The following TTN variants were observed in gnomAD, a reference collection of about 807,000 sequenced individuals.
TTN encodes connectin.
Under a neutral mutation model 3,223.0 loss-of-function variants are expected in TTN, and 1,525 were observed. That is an observed-to-expected ratio of 0.47 (90% CI 0.45 to 0.49). The LOEUF (loss-of-function observed/expected upper bound fraction) is 0.49. TTN is among the 20% of genes least tolerant of loss of function. The pLI, the probability that TTN is intolerant of heterozygous loss-of-function variation, is 0.00. For missense variants in TTN, 40,786 were observed against 43,424.0 expected (o/e 0.94, Z 5.40); for synonymous variants, 14,094 against 15,161.0 (o/e 0.93, Z 5.17).
At position 178,574,770 on chromosome 2, in the gene TTN, C is replaced by T. The variant is rs1709470635; in HGVS notation, c.71362G>A (p.Ala23788Thr). 7 of 1,612,090 alleles carry T rather than the reference C, an allele frequency of 4.3e-6. 1 individual carries two copies. The highest frequency in any genetic ancestry group is 2.7e-5 in the African/African-American group (2 of 75,002). ...TCTAATCCAGTAGTAAGGCGGGTGG[C>T]TTTATAGGTAGTACGTATAACGGTG... The part of the protein sequence containing the change: ...ATTVIRTTYK[A>T]TRLTTGLEYQ... The change falls in exon 326 of 363, where the codon GCC becomes ACC. Residue 23788 changes from alanine (A) to threonine (T), a missense_variant. Coordinates refer to ENST00000589042, the MANE Select transcript of TTN (RefSeq NM_001267550.2).
intron 81 of TTN, 75 bp from the exon 82 acceptor site, chr2:178,719,907 A>T: frequency 2.6e-6 from 4 of 1,544,290 alleles, no homozygotes; most frequent in Non-Finnish European, 3.5e-6. Context: ...GAATTACTGG[A>T]TAAGAGGAAT....
Position 178,641,312 on chromosome 2 carries a change from A to G in TTN, c.40562T>C (p.Leu13521Pro). 4 of 1,469,616 alleles carry G rather than the reference A, an allele frequency of 2.7e-6. No homozygotes were observed. The highest frequency in any genetic ancestry group is 3.6e-6 in the Non-Finnish European group (4 of 1,098,180). The allele number at this position is 1,469,616 out of a possible 1,614,324, so 91.0% of individuals were successfully genotyped here. Residue 13521 changes from leucine to proline, a missense_variant, in exon 220 of 363, where the codon CTA becomes CCA. Transcript: ENST00000589042. ...TTCTTCTTCTTCAGGTCTTTTTCTTAGAACTTTAAAGACAAAAAGGTTTAT... is the reference window on the plus strand; with the variant it reads ...TTCTTCTTCTTCAGGTCTTTTTCTTGGAACTTTAAAGACAAAAAGGTTTAT... ...PKEEVVLKSV[L>P]RKRPEEEEPK... is the part of the protein sequence containing the mutation.
At chr2:178,672,373 A>C (rs781263104) in intron 154 of TTN, 34 bp downstream of exon 154, 8 of 1,600,786 alleles carry the variant, frequency 5.0e-6, no homozygotes, top group Non-Finnish European at 5.1e-6. Context: ...TGCATGCAAC[A>C]ATACACGAAA....
rs760647730 is a variant in TTN at position 178,582,100 on chromosome 2, T to G, written c.66269A>C (p.Tyr22090Ser). Residue 22090 changes from tyrosine to serine, a missense_variant, in exon 315 of 363, where the codon TAT becomes TCT. Physicochemically the swap from Tyr to Ser is moderately radical, Grantham distance 144 (BLOSUM62 -2). Coordinates refer to ENST00000589042, the MANE Select transcript of TTN (RefSeq NM_001267550.2). ...ADDGGSPITGYLLEKRETQAV... is the reference protein window; with the variant it reads ...ADDGGSPITGSLLEKRETQAV... ...CTGGGTTTCCCGCTTTTCAAGCAAA[T>G]AGCCAGTGATGGGTGAGCCCCCATC... 4 of 1,612,934 alleles carry G rather than the reference T, an allele frequency of 2.5e-6. No homozygotes were observed. Among genetic ancestry groups the G allele is most frequent in the Non-Finnish European group, 3.4e-6 (4 of 1,179,512 alleles).
chr2:178,594,088 T>C lies in TTN; in HGVS notation c.58305A>G (p.Ile19435Met). 1 of 1,613,456 alleles carries C rather than the reference T, an allele frequency of 6.2e-7. No homozygotes were observed. Among genetic ancestry groups the C allele is most frequent in the Non-Finnish European group, 8.5e-7 (1 of 1,179,620 alleles). ...AAGCAAGTGTTGCTGGTGTAGTCTT[T>C]ATATGAGTGCGATCATCTTCCAGCA... ...ADVLEDDRTH[I>M]KTTPATLALE... Residue 19435 changes from isoleucine to methionine, a missense_variant, in exon 297 of 363, where the codon ATA becomes ATG. Ile to Met is a conservative substitution (Grantham distance 10). Transcript: ENST00000589042.
At position 178,737,962 on chromosome 2, in the gene TTN, T is replaced by C. The variant is rs893042466; in HGVS notation, c.14371+120A>G. ...CTGCAGTACCTACCTACCATGTTAC[T>C]GTCTTGGTTGTTGGTCTCTCCAGTT... On this transcript the variant is annotated intron_variant, in intron 49 of 362. Transcript: ENST00000589042. 7 of 1,288,618 alleles carry C rather than the reference T, an allele frequency of 5.4e-6. No individual in the cohort carries two copies. In the African/African-American group the frequency reaches 7.4e-5, roughly 14 times the overall value. 79.8% of individuals were successfully genotyped at this position (1,288,618 alleles called of 1,614,324 possible).
chr2:178,705,211 A>T lies in TTN; in HGVS notation c.29567T>A (p.Leu9856Gln). 6.2e-7 allele frequency: 1 copy of T among 1,613,722 alleles called. No individual in the cohort carries two copies. The highest frequency in any genetic ancestry group is 8.5e-7 in the Non-Finnish European group (1 of 1,179,730). The change falls in exon 103 of 363, where the codon CTG becomes CAG. Residue 9856 changes from leucine (L) to glutamine (Q), a missense_variant. Coordinates refer to ENST00000589042, the MANE Select transcript of TTN (RefSeq NM_001267550.2). ...CTCTTCTTCTTGGCTTTGCTTGAGC[A>T]GTTCAAATGCTTGAAGAAGACCTCG... ...DFRGLLQAFE[L>Q]LKQSQEEETH... is the part of the protein sequence containing the mutation.
rs1553602290 is a variant in TTN at position 178,570,010 on chromosome 2, A to G, written c.76122T>C (p.Asp25374=). 1.2e-6 allele frequency: 2 copies of G among 1,613,016 alleles called. No individual in the cohort carries two copies. Among genetic ancestry groups the G allele is most frequent in the Middle Eastern group, 1.7e-4 (1 of 6,044 alleles). The stretch of plus-strand genomic sequence containing the variant: ...TCTCAGCAGAAACTCTGAACTCATA[A>G]TCGTGATTTTCTATGAGTCCAGTTA... The part of the protein sequence containing the change: ...LRVTGLIENH[D]YEFRVSAENA... The change falls in exon 326 of 363, where the codon GAT becomes GAC. Residue 25374 remains aspartate, a synonymous_variant. Transcript: ENST00000589042.
intron 79 of TTN, 25 bp from the exon 80 acceptor site, chr2:178,720,688 A>G (rs761511409): frequency 6.4e-7 from 1 of 1,550,630 alleles, no homozygotes; most frequent in Non-Finnish European, 8.6e-7. Flanking sequence ...GAGATAAACA[A>G]TGAGAACACT....
At chr2:178,593,138 A>G in intron 299 of TTN, 35 bp downstream of exon 299, 2 of 1,610,070 alleles carry the variant, frequency 1.2e-6, no homozygotes, top group Admixed American at 1.7e-5. Flanking sequence ...AAAGTTAGAT[A>G]ACATGAAAAC....
In TTN at chr2:178,580,512, T is replaced by C. The variant is rs1402680956; in HGVS notation, c.66867A>G (p.Pro22289=). 1.9e-6 allele frequency: 3 copies of C among 1,612,918 alleles called. No individual in the cohort carries two copies. The highest frequency in any genetic ancestry group is 4.5e-5 in the East Asian group (2 of 44,642). The change falls in exon 317 of 363, where the codon CCA becomes CCG. Residue 22289 remains proline (P), a synonymous_variant. Transcript: ENST00000589042. ...MRLYVPVKGR[P]PPKITWSKPN... Reference sequence around the variant, plus strand: ...GTTTAGACCAAGTAATCTTTGGAGGTGGGCGTCCTTTTACTGGTACATATA... The same window carrying C: ...GTTTAGACCAAGTAATCTTTGGAGGCGGGCGTCCTTTTACTGGTACATATA...
At position 178,692,012 on chromosome 2, in the gene TTN, G is replaced by A. The variant is rs368538884; in HGVS notation, c.31762+4C>T. ...GAGTCTCCCCATCATTGGCTCTGGC[G>A]TACCTTTTGGGGGAGCAGCAGGTTC... On this transcript the variant is annotated splice_donor_region_variant and intron_variant, in intron 121 of 362. Coordinates refer to ENST00000589042, the MANE Select transcript of TTN (RefSeq NM_001267550.2). 9.0e-5 allele frequency: 145 copies of A among 1,609,636 alleles called. 1 individual carries two copies. The highest frequency in any genetic ancestry group is 3.1e-4 in the South Asian group (28 of 90,256).
intron 270 of TTN, 22 bp from the exon 271 acceptor site, chr2:178,610,411 A>T: frequency 6.2e-7 from 1 of 1,602,562 alleles, no homozygotes; most frequent in Non-Finnish European, 8.5e-7. Flanking sequence ...ATGGATAATT[A>T]TTCTAGTAAT....
intron 288 of TTN, chr2:178,600,361 A>G (rs1290909506): frequency 1.3e-5 from 2 of 151,480 alleles, no homozygotes; most frequent in Non-Finnish European, 2.9e-5. Context: ...GAGAGAATAA[A>G]CAAATACACA....
In TTN at chr2:178,590,303, T is replaced by C. The variant is rs759707093; in HGVS notation, c.61422A>G (p.Pro20474=). 1.3e-6 allele frequency: 2 copies of C among 1,571,274 alleles called. No homozygotes were observed. Among genetic ancestry groups the C allele is most frequent in the Admixed American group, 3.6e-5 (2 of 55,742 alleles). ...SVIAKDILHP[P]EVELDVTCRD... is the part of the protein sequence containing the mutation. ...GACAAGTAACATCAAGTTCTACTTCTGGAGGATGAAGGATATCTTTTGCAA... is the reference window on the plus strand; with the variant it reads ...GACAAGTAACATCAAGTTCTACTTCCGGAGGATGAAGGATATCTTTTGCAA... Residue 20474 remains proline (P), a synonymous_variant, in exon 304 of 363, where the codon CCA becomes CCG. Transcript: ENST00000589042.
chr2:178,567,929 TC>T lies in TTN; in HGVS notation c.78202del (p.Glu26068LysfsTer6). On this transcript the variant is annotated frameshift_variant, in exon 326 of 363. Transcript: ENST00000589042. LOFTEE classifies it high-confidence loss of function. Reference sequence around the variant, plus strand: ...TGCTTTGCCTACACCAACAATATTTTCAGCATACACTCTGAATTCATATTCA... The same window carrying T: ...TGCTTTGCCTACACCAACAATATTTTAGCATACACTCTGAATTCATATTCA... ...GIEYEFRVYA[E>X]NIVGVGKASK... The T allele has an allele frequency of 6.2e-7, 1 of 1,613,604 alleles. No homozygotes were observed. The highest frequency in any genetic ancestry group is 8.5e-7 in the Non-Finnish European group (1 of 1,179,618).
chr2:178,759,589 TC>T (rs1418988355), intron 43 of TTN, among the ~76,000 whole-genome samples: 3 of 152,014 alleles, frequency 2.0e-5, no homozygotes, highest in Non-Finnish European at 2.9e-5. Flanking sequence ...ATGAGAAAAA[TC>T]TCCACTTTTG....
Position 178,554,087 on chromosome 2 carries a change from T to C in TTN, c.89024A>G (p.Lys29675Arg). The C allele has an allele frequency of 6.2e-7, 1 of 1,613,936 alleles. No individual in the cohort carries two copies. The highest frequency in any genetic ancestry group is 8.5e-7 in the Non-Finnish European group (1 of 1,179,838). Residue 29675 changes from lysine (K) to arginine (R), a missense_variant, in exon 333 of 363, where the codon AAG becomes AGG. By Grantham distance (26) the Lys-to-Arg change is conservative (BLOSUM62 2). Coordinates refer to ENST00000589042, the MANE Select transcript of TTN (RefSeq NM_001267550.2). ...ISGYFLEKRD[K>R]KSLGWFKVLK... ...TACTTTAAACCATCCTAGGCTCTTC[T>C]TGTCTCGTTTTTCAAGGAAATAGCC...
chr2:178,783,312 G>A (rs2092934852), intron 17 of TTN, among the ~76,000 whole-genome samples: 1 of 152,062 alleles, frequency 6.6e-6, no homozygotes, highest in Non-Finnish European at 1.5e-5. Flanking sequence ...ATCACCAACT[G>A]GAATGAATCT....
Sources: gnomAD v4.1 joint callset for allele counts (sites outside exome capture counted in the v4.1 genomes callset) on GRCh38, gnomAD v4.1.1 for gene constraint, MANE v1.5 for transcripts, NCBI Gene and HGNC (gene_info 2026-07-23, HGNC 2026-07-21) for gene names.